OMA1: variants seen among roughly 807,000 people sequenced by gnomAD.
OMA1 encodes the protein metalloendopeptidase OMA1, mitochondrial.
Under a neutral mutation model 30.9 loss-of-function variants are expected in OMA1, and 38 were observed. That is an observed-to-expected ratio of 1.23 (90% CI 0.95 to 1.61). The LOEUF is 1.61. OMA1 is among the 40% of genes most tolerant of loss of function. The pLI, the probability that OMA1 is intolerant of heterozygous loss-of-function variation, is 0.00. For missense variants in OMA1, 461 were observed against 349.2 expected (o/e 1.32, Z -2.55); for synonymous variants, 173 against 121.9 (o/e 1.42, Z -2.76).
At chr1:58,505,582 T>TA (rs1232700092) in intron 8 of OMA1, among the ~76,000 whole-genome samples, 1 of 151,924 alleles carries the variant, frequency 6.6e-6, no homozygotes, top group Non-Finnish European at 1.5e-5. Flanking sequence ...CATAAAGAAA[T>TA]AAATAACCAG....
At position 58,525,153 on chromosome 1, in the gene OMA1, T is replaced by TA. The variant is rs1479774132; in HGVS notation, c.1215+2107dup. Among the ~76,000 whole-genome samples the TA allele has an allele frequency of 3.9e-5, 6 of 152,302 alleles. No homozygotes were observed. In the South Asian group the frequency reaches 1.0e-3, roughly 26 times the overall value. On this transcript the variant is annotated intron_variant, in intron 7 of 8. Transcript: ENST00000371226. Reference sequence around the variant, plus strand: ...TTCATAACCGATTTGTGTTTTATGGTAAAAAATTATAAAAGACTAATATCT... The same window carrying TA: ...TTCATAACCGATTTGTGTTTTATGGTAAAAAAATTATAAAAGACTAATATCT...
chr1:58,492,549 A>C lies in OMA1; in HGVS notation c.1366-11375T>G, dbSNP rs538352503. Among the ~76,000 whole-genome samples, 14 of 152,332 alleles carry C rather than the reference A, an allele frequency of 9.2e-5. No individual in the cohort carries two copies. In the East Asian group the frequency reaches 2.7e-3, roughly 29 times the overall value. On this transcript the variant is annotated intron_variant, in intron 8 of 8. Transcript: ENST00000371226. Reference sequence around the variant, plus strand: ...CTAATAAACAGGAAAAGAGAGAAGAATCAAATAGACACAATAAAAAATGAT... The same window carrying C: ...CTAATAAACAGGAAAAGAGAGAAGACTCAAATAGACACAATAAAAAATGAT...
At chr1:58,519,240 T>C (rs1247167506) in intron 7 of OMA1, among the ~76,000 whole-genome samples, 1 of 152,206 alleles carries the variant, frequency 6.6e-6, no homozygotes, top group Non-Finnish European at 1.5e-5. Flanking sequence ...TTTACTTGTT[T>C]TTTATTTTTG....
chr1:58,512,097 T>C (rs558141691), intron 7 of OMA1, among the ~76,000 whole-genome samples: 2 of 152,274 alleles, frequency 1.3e-5, no homozygotes, highest in South Asian at 2.1e-4. Flanking sequence ...AGGATCTCAA[T>C]AGACATTTCT....
chr1:58,502,390 C>T (rs766153010), intron 8 of OMA1, among the ~76,000 whole-genome samples: 11 of 152,176 alleles, frequency 7.2e-5, no homozygotes, highest in Non-Finnish European at 1.5e-4. Context: ...TCACTTCCTA[C>T]GTGAACTCAT....
At chr1:58,485,995 T>C (rs1354527792) in intron 8 of OMA1, among the ~76,000 whole-genome samples, 1 of 152,186 alleles carries the variant, frequency 6.6e-6, no homozygotes, top group African/African-American at 2.4e-5. Context: ...AAGTTAAATA[T>C]AGAATTAGCC....
At chr1:58,508,881 A>T (rs924865232) in intron 7 of OMA1, among the ~76,000 whole-genome samples, 2 of 150,344 alleles carry the variant, frequency 1.3e-5, no homozygotes, top group Non-Finnish European at 3.0e-5. Flanking sequence ...CAACATTCTA[A>T]CATTTCTGAG....
At chr1:58,541,614 C>CAAAAAAAAAAAAAAAAAAA (rs60360589) in intron 1 of OMA1, 1 of 65,622 alleles carries the variant, frequency 1.5e-5, no homozygotes, top group Non-Finnish European at 2.7e-5. Context: ...GAGAACCTGT[C>CAAAAAAAAAAAAAAAAAAA]AAAAAAAAAA....
intron 7 of OMA1, among the ~76,000 whole-genome samples, chr1:58,512,806 A>G (rs11805031): frequency 0.12 from 17,685 of 152,218 alleles, 1,222 homozygotes; most frequent in African/African-American, 0.18. Context: ...TGCAAAATGA[A>G]TAAGATCTAG....
At chr1:58,520,706 A>AT (rs1489486784) in intron 7 of OMA1, among the ~76,000 whole-genome samples, 1 of 152,202 alleles carries the variant, frequency 6.6e-6, no homozygotes, top group Admixed American at 6.5e-5. Context: ...GGCAAGAAGT[A>AT]TTACTAGAGA....
chr1:58,505,403 T>C (rs926612540), intron 8 of OMA1, among the ~76,000 whole-genome samples: 2 of 152,280 alleles, frequency 1.3e-5, no homozygotes, highest in South Asian at 4.1e-4. Flanking sequence ...ATGCCTAACA[T>C]CCATTTTGTC....
intron 8 of OMA1, among the ~76,000 whole-genome samples, chr1:58,493,959 A>T (rs1418864690): frequency 6.8e-6 from 1 of 146,714 alleles, no homozygotes; most frequent in Non-Finnish European, 1.5e-5. Context: ...CTCATTGCCA[A>T]GTCAATCCTA....
intron 7 of OMA1, among the ~76,000 whole-genome samples, chr1:58,519,602 C>A (rs1234291197): frequency 1.3e-5 from 2 of 152,064 alleles, no homozygotes; most frequent in Non-Finnish European, 2.9e-5. Context: ...TCATTCAGAG[C>A]CAACAGAACT....
intron 8 of OMA1, among the ~76,000 whole-genome samples, chr1:58,502,155 G>A (rs1179165098): frequency 6.6e-6 from 1 of 151,900 alleles, no homozygotes; most frequent in African/African-American, 2.4e-5. Context: ...GATATGCAAG[G>A]GATCCAATAA....
chr1:58,506,304 T>C (rs1283625499), intron 7 of OMA1, 95 bp from the exon 8 acceptor site: 1 of 660,798 alleles, frequency 1.5e-6, no homozygotes, highest in African/African-American at 1.8e-5. Context: ...ATTATAATTA[T>C]ACTTTAAGTT....
In OMA1 at chr1:58,514,277, A is replaced by G. The variant is rs1247902140; in HGVS notation, c.1216-8068T>C. Among the ~76,000 whole-genome samples the G allele has an allele frequency of 2.0e-5, 3 of 152,336 alleles. No homozygotes were observed. The East Asian group carries it at 5.8e-4, about 29-fold the overall frequency. On this transcript the variant is annotated intron_variant, in intron 7 of 8. Coordinates refer to ENST00000371226, the MANE Select transcript of OMA1 (RefSeq NM_145243.5). ...TATTAAATTATAAATTCAGTGGGAT[A>G]TGATATTCATAAAGAATACAGCAGT...
chr1:58,518,081 G>A (rs936356365), intron 7 of OMA1, among the ~76,000 whole-genome samples: 1 of 151,160 alleles, frequency 6.6e-6, no homozygotes, highest in Admixed American at 6.6e-5. Context: ...AGCTACTCAG[G>A]AGGCTGAGGC....
Position 58,540,573 on chromosome 1 carries a change from C to A in OMA1, c.-16-1263G>T, listed in dbSNP as rs1646590693. 5.4e-5 allele frequency among the ~76,000 whole-genome samples: 8 copies of A among 149,292 alleles called. No homozygotes were observed. In the South Asian group the frequency reaches 1.7e-3, roughly 32 times the overall value. On this transcript the variant is annotated intron_variant, in intron 1 of 8. Transcript: ENST00000371226. ...TCTTTAAAAGACCTAAACTTTTAGA[C>A]AAGAAAACTGTAAGAACTAAGATGA...
chr1:58,530,568 T>C, intron 6 of OMA1, 33 bp downstream of exon 6: 2 of 857,826 alleles, frequency 2.3e-6, no homozygotes, highest in East Asian at 2.4e-5. Flanking sequence ...CACCAGAGGC[T>C]ATGATCAATT....
Sources: gnomAD v4.1 joint callset for allele counts (sites outside exome capture counted in the v4.1 genomes callset) on GRCh38, gnomAD v4.1.1 for gene constraint, MANE v1.5 for transcripts, NCBI Gene and HGNC (gene_info 2026-07-23, HGNC 2026-07-21) for gene names.